TNS1: variants seen among roughly 807,000 people sequenced by gnomAD.
The protein encoded by TNS1 is tensin-1.
A neutral mutation model predicts 168.6 loss-of-function variants in TNS1; 62 were observed. The ratio of observed to expected loss-of-function variants is 0.37; its 90% CI spans 0.30 to 0.45. TNS1 has a LOEUF of 0.45. Among genes scored for constraint, TNS1 ranks in the 20% least tolerant of loss-of-function variants. The probability of loss-of-function intolerance (pLI) is 1.00; values close to 1 mark genes in which losing one functional copy is unlikely to be tolerated. For missense variants in TNS1, 2,240 were observed against 2,339.4 expected, an observed-to-expected ratio of 0.96 and a Z score of 0.88; for synonymous variants, 934 against 933.2, an observed-to-expected ratio of 1.00 and a Z score of -0.02.
At chr2:217,844,539 C>T (rs1946390669) in intron 19 of TNS1, among the ~76,000 whole-genome samples, 1 of 152,192 alleles carries the variant, frequency 6.6e-6, no homozygotes, top group Non-Finnish European at 1.5e-5. Flanking sequence ...GCTCTCCTGT[C>T]TTCACTGTGA....
intron 1 of TNS1, among the ~76,000 whole-genome samples, chr2:217,993,832 A>G (rs1958420380): frequency 6.6e-6 from 1 of 152,228 alleles, no homozygotes; most frequent in Non-Finnish European, 1.5e-5. Flanking sequence ...TCAGGAAAGT[A>G]TTTAACGGTG....
chr2:218,001,687 A>G (rs1316414414), intron 1 of TNS1, among the ~76,000 whole-genome samples: 1 of 151,450 alleles, frequency 6.6e-6, no homozygotes, highest in Non-Finnish European at 1.5e-5. Context: ...CCATCCCAGC[A>G]CCCCAGCCCA....
chr2:217,812,595 C>T (rs763989145), intron 27 of TNS1, 150 bp from the exon 28 acceptor site: 1 of 634,584 alleles, frequency 1.6e-6, no homozygotes, highest in South Asian at 2.1e-5. Flanking sequence ...TTCACACCCT[C>T]TTGTTGAACA....
chr2:217,827,466 A>T (rs1252066616), intron 22 of TNS1, among the ~76,000 whole-genome samples: 3 of 152,164 alleles, frequency 2.0e-5, no homozygotes, highest in Non-Finnish European at 2.9e-5. Flanking sequence ...GAGTCAGGAA[A>T]TAAGGAACTG....
Position 217,996,382 on chromosome 2 carries a change from G to T in TNS1, c.34-5326C>A, listed in dbSNP as rs576237069. The stretch of plus-strand genomic sequence containing the variant: ...CTGGGAGGCCTGGTGGGCATCCAGC[G>T]TCGTTTATGTGGGGAAGGCTCAGAT... On this transcript the variant is annotated intron_variant, in intron 1 of 32. Transcript: ENST00000682258. Among the ~76,000 whole-genome samples, 8 of 152,252 alleles carry T rather than the reference G, an allele frequency of 5.3e-5. No individual in the cohort carries two copies. In the South Asian group the frequency reaches 6.2e-4, roughly 12 times the overall value.
At chr2:218,027,469 C>G (rs1263398796) in intron 1 of TNS1, among the ~76,000 whole-genome samples, 1 of 152,094 alleles carries the variant, frequency 6.6e-6, no homozygotes, top group Non-Finnish European at 1.5e-5. Flanking sequence ...TTGCCCCTCC[C>G]TCTGGGAAGG....
chr2:217,909,595 A>G (rs968272623), intron 4 of TNS1, among the ~76,000 whole-genome samples: 4 of 151,746 alleles, frequency 2.6e-5, no homozygotes, highest in African/African-American at 9.7e-5. Context: ...ACACACACAC[A>G]CACACACAGT....
At chr2:217,873,078 G>A (rs1018270103) in intron 18 of TNS1, among the ~76,000 whole-genome samples, 1 of 152,192 alleles carries the variant, frequency 6.6e-6, no homozygotes, top group Admixed American at 6.5e-5. Context: ...TTGGGTGGGG[G>A]TGATAAAACT....
chr2:217,896,787 A>G (rs1411875187), intron 8 of TNS1, among the ~76,000 whole-genome samples: 1 of 152,232 alleles, frequency 6.6e-6, no homozygotes, highest in East Asian at 1.9e-4. Context: ...TACTATTTAC[A>G]TATAACTTGC....
intron 19 of TNS1, among the ~76,000 whole-genome samples, chr2:217,846,582 C>G (rs1574778935): frequency 6.6e-6 from 1 of 152,312 alleles, no homozygotes; most frequent in East Asian, 1.9e-4. Context: ...TCTGGTCCAC[C>G]CCTGTCTGGG....
chr2:217,832,091 A>G (rs921614095), intron 21 of TNS1, among the ~76,000 whole-genome samples: 2 of 152,212 alleles, frequency 1.3e-5, no homozygotes, highest in Admixed American at 6.5e-5. Context: ...AATGGGCCAG[A>G]GCCACGCCAA....
At chr2:217,984,592 GATCCTCCCACCTCA>G (rs1958143615) in intron 2 of TNS1, among the ~76,000 whole-genome samples, 1 of 151,860 alleles carries the variant, frequency 6.6e-6, no homozygotes, top group African/African-American at 2.4e-5. Context: ...AGGCTCAAGT[GATCCTCCCACCTCA>G]GCCTCTGGAG....
intron 3 of TNS1, among the ~76,000 whole-genome samples, chr2:217,920,746 G>C (rs865923072): frequency 6.6e-5 from 10 of 152,206 alleles, no homozygotes; most frequent in South Asian, 2.1e-4. Context: ...TACCAGCTCT[G>C]GCACTTTCCC....
intron 8 of TNS1, among the ~76,000 whole-genome samples, chr2:217,895,284 T>G (rs1952175206): frequency 6.6e-6 from 1 of 152,088 alleles, no homozygotes. Flanking sequence ...GCTCTCGCTC[T>G]CTCTCCCCGA....
chr2:217,874,149 T>C (rs935992290), intron 18 of TNS1, among the ~76,000 whole-genome samples: 1 of 151,950 alleles, frequency 6.6e-6, no homozygotes, highest in African/African-American at 2.4e-5. Context: ...TTGTATTACC[T>C]GAGAGTGGCT....
Position 217,848,527 on chromosome 2 carries a change from G to A in TNS1, c.1990C>T (p.Pro664Ser). The change falls in exon 19 of 33, where the codon CCA becomes TCA. Residue 664 changes from proline (P) to serine (S), a missense_variant. Coordinates refer to ENST00000682258, the MANE Select transcript of TNS1 (RefSeq NM_001387777.1). ...GACTTGTCCAGACCGTTGGTCAGTG[G>A]GGACAGGGCCTCTGGGTAGCCCCCC... is the stretch of plus-strand genomic sequence containing the variant. The part of the protein sequence containing the change: ...SEGGYPEALS[P>S]LTNGLDKSYP... 1.2e-6 allele frequency: 2 copies of A among 1,613,716 alleles called. No homozygotes were observed. The highest frequency in any genetic ancestry group is 1.7e-6 in the Non-Finnish European group (2 of 1,179,712).
chr2:218,014,687 G>C (rs1305115021), upstream of TNS1, among the ~76,000 whole-genome samples: 1 of 152,138 alleles, frequency 6.6e-6, no homozygotes. Context: ...ACTTAGAACT[G>C]TTTCTTGTTG....
intron 3 of TNS1, among the ~76,000 whole-genome samples, chr2:217,950,238 C>T (rs1018429283): frequency 9.2e-5 from 14 of 152,290 alleles, no homozygotes; most frequent in African/African-American, 2.9e-4. Flanking sequence ...CAGCAAGCAC[C>T]ATCAGCACCT....
chr2:217,863,669 T>C (rs1182889386), intron 18 of TNS1, among the ~76,000 whole-genome samples: 2 of 152,268 alleles, frequency 1.3e-5, no homozygotes, highest in Middle Eastern at 3.4e-3. Context: ...GGACTCAGTT[T>C]CCAACGTGGT....
Sources: gnomAD v4.1 joint callset for allele counts (sites outside exome capture counted in the v4.1 genomes callset) on GRCh38, gnomAD v4.1.1 for gene constraint, MANE v1.5 for transcripts, NCBI Gene and HGNC (gene_info 2026-07-23, HGNC 2026-07-21) for gene names.